Variants in DIAPH2 observed in about 807,000 individuals in gnomAD.
The protein encoded by DIAPH2 is protein diaphanous homolog 2.
DIAPH2 carries 35 observed loss-of-function variants against 92.7 expected under a neutral mutation model. That is an observed-to-expected ratio of 0.38 (90% CI 0.29 to 0.50). The LOEUF is 0.50. DIAPH2 is among the 20% of genes least tolerant of loss of function. The pLI, the probability that DIAPH2 is intolerant of heterozygous loss-of-function variation, is 0.94. For missense variants in DIAPH2, 701 were observed against 819.5 expected, an observed-to-expected ratio of 0.86 and a Z score of 1.77; for synonymous variants, 301 against 280.4, an observed-to-expected ratio of 1.07 and a Z score of -0.73.
chrX:97,432,783 G>A lies in DIAPH2; in HGVS notation c.3241+3038G>A, dbSNP rs759169010. Among the ~76,000 whole-genome samples the A allele has an allele frequency of 1.6e-4, 18 of 110,857 alleles. No homozygotes were observed. The East Asian group carries it at 4.9e-3, about 30-fold the overall frequency. On this transcript the variant is annotated intron_variant, in intron 26 of 26. Coordinates refer to ENST00000324765, the MANE Select transcript of DIAPH2 (RefSeq NM_006729.5). ...ATTACAGGCGTGAGCCACCATGCCC[G>A]GCCAAATTGTTGTATTTTTAGTAGA...
chrX:96,769,564 A>G (rs2064324780), intron 4 of DIAPH2, among the ~76,000 whole-genome samples: 1 of 111,899 alleles, frequency 8.9e-6, no homozygotes, highest in Non-Finnish European at 1.9e-5. Flanking sequence ...GGCCAAGTAT[A>G]CTTGTAGATG....
chrX:97,125,640 A>C (rs761999461), intron 21 of DIAPH2, among the ~76,000 whole-genome samples: 1 of 110,924 alleles, frequency 9.0e-6, no homozygotes, highest in East Asian at 2.8e-4. Context: ...CCTGTGGCTT[A>C]GTTTTTGACT....
chrX:97,137,270 C>CATATATATATATATATATATAT (rs57799375), intron 21 of DIAPH2, among the ~76,000 whole-genome samples: 30 of 68,243 alleles, frequency 4.4e-4, no homozygotes, highest in African/African-American at 1.4e-3. Context: ...CGCAGTTATA[C>CATATATATATATATATATATAT]ATATATATAT....
At chrX:96,933,496 T>G (rs1293766378) in intron 10 of DIAPH2, among the ~76,000 whole-genome samples, 1 of 106,301 alleles carries the variant, frequency 9.4e-6, no homozygotes, top group African/African-American at 3.4e-5. Context: ...CCCAGCTAAT[T>G]TTTGTGTATA....
chrX:96,739,323 G>C (rs891640584), intron 3 of DIAPH2, among the ~76,000 whole-genome samples: 4 of 111,846 alleles, frequency 3.6e-5, no homozygotes, highest in Non-Finnish European at 7.5e-5. Flanking sequence ...TGAGTATTCA[G>C]AAGTTTATGG....
At chrX:97,351,095 T>C (rs2069208119) in intron 24 of DIAPH2, among the ~76,000 whole-genome samples, 1 of 112,395 alleles carries the variant, frequency 8.9e-6, no homozygotes, top group African/African-American at 3.2e-5. Flanking sequence ...TCTACAAATC[T>C]TTATCAACTT....
chrX:97,436,438 C>T (rs1227174140), intron 26 of DIAPH2, among the ~76,000 whole-genome samples: 1 of 111,730 alleles, frequency 9.0e-6, no homozygotes, highest in Non-Finnish European at 1.9e-5. Context: ...TCAGGAGCAA[C>T]TCAGGAGACA....
At chrX:96,821,476 A>G (rs184400509) in intron 4 of DIAPH2, among the ~76,000 whole-genome samples, 171 of 111,815 alleles carry the variant, frequency 1.5e-3, no homozygotes, top group African/African-American at 5.5e-3. Context: ...GGAGTCCAGA[A>G]CTTTCTAGTT....
At chrX:97,310,627 C>T (rs1294184613) in intron 23 of DIAPH2, among the ~76,000 whole-genome samples, 1 of 111,397 alleles carries the variant, frequency 9.0e-6, no homozygotes, top group Non-Finnish European at 1.9e-5. Flanking sequence ...GCCTGAAGCT[C>T]ATGAATGAGA....
At chrX:97,299,731 A>G (rs773190034) in intron 23 of DIAPH2, among the ~76,000 whole-genome samples, 1 of 112,583 alleles carries the variant, frequency 8.9e-6, no homozygotes, top group Admixed American at 9.5e-5. Context: ...ATTTCAATAA[A>G]AAAATGAAAA....
intron 4 of DIAPH2, among the ~76,000 whole-genome samples, chrX:96,806,669 CAAAG>C (rs1368769165): frequency 3.9e-5 from 3 of 77,892 alleles, no homozygotes; most frequent in Admixed American, 1.8e-4. Flanking sequence ...AAAAAAGAAA[CAAAG>C]AAATTATATT....
chrX:97,472,945 T>G (rs1176331199), intron 26 of DIAPH2, among the ~76,000 whole-genome samples: 2 of 112,008 alleles, frequency 1.8e-5, no homozygotes, highest in African/African-American at 6.5e-5. Flanking sequence ...TTTATGTTAT[T>G]TCTCTCAACT....
intron 26 of DIAPH2, among the ~76,000 whole-genome samples, chrX:97,478,942 TG>T (rs1218085205): frequency 8.9e-6 from 1 of 111,853 alleles, no homozygotes; most frequent in Non-Finnish European, 1.9e-5. Flanking sequence ...GGTAGTTTTT[TG>T]TTTTTTTTGT....
intron 4 of DIAPH2, among the ~76,000 whole-genome samples, chrX:96,850,181 A>G (rs2064998507): frequency 1.8e-5 from 2 of 111,682 alleles, no homozygotes; most frequent in South Asian, 7.5e-4. Flanking sequence ...ATTGGCTGCC[A>G]TAGTGTAACA....
At chrX:96,896,358 G>A (rs918848565) in intron 5 of DIAPH2, among the ~76,000 whole-genome samples, 21 of 111,704 alleles carry the variant, frequency 1.9e-4, no homozygotes, top group Non-Finnish European at 3.6e-4. Flanking sequence ...TGATTTTTAT[G>A]TTGTTGATAA....
intron 23 of DIAPH2, among the ~76,000 whole-genome samples, chrX:97,264,493 CTA>C (rs1267904243): frequency 2.7e-5 from 3 of 112,013 alleles, no homozygotes; most frequent in African/African-American, 6.5e-5. Context: ...GCAAATATGA[CTA>C]TTCATTTTCT....
chrX:97,347,692 A>G (rs754938905), intron 23 of DIAPH2, among the ~76,000 whole-genome samples: 12 of 111,584 alleles, frequency 1.1e-4, no homozygotes, highest in African/African-American at 3.6e-4. Context: ...CCCAAAATTC[A>G]TATGTTGAAG....
At chrX:96,814,995 C>A (rs2147667347) in intron 4 of DIAPH2, among the ~76,000 whole-genome samples, 1 of 112,272 alleles carries the variant, frequency 8.9e-6, no homozygotes, top group South Asian at 3.8e-4. Flanking sequence ...GTCAGGGACC[C>A]ACTTGAGGAG....
intron 3 of DIAPH2, among the ~76,000 whole-genome samples, chrX:96,751,888 C>T (rs772478411): frequency 9.5e-6 from 1 of 104,903 alleles, no homozygotes; most frequent in East Asian, 3.0e-4. Context: ...CTCCTGACCT[C>T]GTGATCCGCC....
Sources: gnomAD v4.1 joint callset for allele counts (sites outside exome capture counted in the v4.1 genomes callset) on GRCh38, gnomAD v4.1.1 for gene constraint, MANE v1.5 for transcripts, NCBI Gene and HGNC (gene_info 2026-07-23, HGNC 2026-07-21) for gene names.